Variants in STAG1 observed in about 807,000 individuals in gnomAD.
The protein encoded by STAG1 is cohesin subunit SA-1.
Under a neutral mutation model 170.9 loss-of-function variants are expected in STAG1, and 26 were observed. The ratio of observed to expected loss-of-function variants is 0.15; its 90% CI spans 0.11 to 0.21. STAG1 has a LOEUF of 0.21. Ranked by LOEUF, STAG1 falls within the 10% of genes least tolerant of loss-of-function variation. The pLI, the probability that STAG1 is intolerant of heterozygous loss-of-function variation, is 1.00. For missense variants in STAG1, 964 were observed against 1,509.5 expected (o/e 0.64, Z 5.99); for synonymous variants, 514 against 497.7 (o/e 1.03, Z -0.44).
At chr3:136,503,488 C>A (rs1215943569) in intron 7 of STAG1, among the ~76,000 whole-genome samples, 1 of 152,162 alleles carries the variant, frequency 6.6e-6, no homozygotes, top group Admixed American at 6.5e-5. Context: ...CCTCAAACTT[C>A]TGTCTGTTCA....
intron 6 of STAG1, among the ~76,000 whole-genome samples, chr3:136,532,995 C>A (rs1323937149): frequency 2.0e-5 from 3 of 152,126 alleles, no homozygotes; most frequent in Non-Finnish European, 4.4e-5. Context: ...CAGCAGATGA[C>A]ATGATCTTTT....
chr3:136,570,250 G>A (rs979143220), intron 4 of STAG1, among the ~76,000 whole-genome samples: 2 of 152,094 alleles, frequency 1.3e-5, no homozygotes, highest in Non-Finnish European at 1.5e-5. Flanking sequence ...TTATACTGAT[G>A]CATATTACCA....
chr3:136,341,589 A>G, intron 30 of STAG1, 38 bp from the exon 31 acceptor site: 1 of 1,414,840 alleles, frequency 7.1e-7, no homozygotes, highest in Non-Finnish European at 1.0e-6. Flanking sequence ...GTAGCAGCAG[A>G]TGATGAATTT....
intron 9 of STAG1, among the ~76,000 whole-genome samples, chr3:136,487,879 A>G (rs2090048118): frequency 6.6e-6 from 1 of 152,196 alleles, no homozygotes; most frequent in Non-Finnish European, 1.5e-5. Context: ...CTCTGGGGAA[A>G]GCCACCGGCT....
At chr3:136,518,430 A>C (rs1423088141) in intron 7 of STAG1, 9 of 700,142 alleles carry the variant, frequency 1.3e-5, no homozygotes, top group Non-Finnish European at 2.1e-5. Context: ...AAAGTGAATA[A>C]AAATGATTAT....
intron 1 of STAG1, among the ~76,000 whole-genome samples, chr3:136,672,699 C>T (rs1263466432): frequency 6.6e-6 from 1 of 152,050 alleles, no homozygotes; most frequent in Admixed American, 6.6e-5. Flanking sequence ...TCCACTCCAC[C>T]CCGCAACACA....
chr3:136,476,398 C>T (rs1348060308), intron 10 of STAG1, among the ~76,000 whole-genome samples: 1 of 152,100 alleles, frequency 6.6e-6, no homozygotes, highest in East Asian at 1.9e-4. Context: ...ACAATAATTG[C>T]AATAGGCAGT....
intron 28 of STAG1, among the ~76,000 whole-genome samples, chr3:136,355,669 C>T (rs1319373992): frequency 2.0e-5 from 3 of 151,978 alleles, no homozygotes; most frequent in Admixed American, 6.6e-5. Flanking sequence ...TCTCTAAGAC[C>T]GTATGTTGGT....
At chr3:136,632,574 TG>T (rs1158373524) in intron 1 of STAG1, among the ~76,000 whole-genome samples, 1 of 152,004 alleles carries the variant, frequency 6.6e-6, no homozygotes, top group African/African-American at 2.4e-5. Flanking sequence ...ATAAGCTCTC[TG>T]GGGTAAGAGA....
chr3:136,406,824 G>A (rs1441271319), intron 21 of STAG1, among the ~76,000 whole-genome samples: 1 of 149,068 alleles, frequency 6.7e-6, no homozygotes, highest in East Asian at 1.9e-4. Context: ...GCAGTAAAAG[G>A]TTAACTTCCG....
intron 3 of STAG1, among the ~76,000 whole-genome samples, chr3:136,619,426 T>G (rs1052859667): frequency 2.6e-5 from 4 of 151,486 alleles, no homozygotes; most frequent in African/African-American, 7.3e-5. Flanking sequence ...GGAAAACAGT[T>G]AAGTCATATT....
intron 26 of STAG1, among the ~76,000 whole-genome samples, chr3:136,362,168 A>G (rs1216144141): frequency 1.3e-5 from 2 of 151,306 alleles, no homozygotes; most frequent in African/African-American, 4.9e-5. Flanking sequence ...CATGTTGACC[A>G]GGCTGGTCTC....
chr3:136,690,971 A>C (rs1019527888), intron 1 of STAG1, among the ~76,000 whole-genome samples: 13 of 151,230 alleles, frequency 8.6e-5, no homozygotes, highest in African/African-American at 3.2e-4. Flanking sequence ...GATTTTTCTG[A>C]GTCAGACATG....
At chr3:136,437,641 A>ATTT (rs575043609) in intron 15 of STAG1, among the ~76,000 whole-genome samples, 94 of 152,340 alleles carry the variant, frequency 6.2e-4, no homozygotes, top group African/African-American at 2.1e-3. Context: ...AATGACCTAA[A>ATTT]TCATCACAAA....
rs371646315 is a variant in STAG1 at position 136,738,308 on chromosome 3, T to C, written c.-84+13887A>G. On this transcript the variant is annotated intron_variant, in intron 1 of 33. Transcript: ENST00000383202. Reference sequence around the variant, plus strand: ...GAGTTCGAGACCAGCCTGGCCAACATGGTGAAACCCCATCTCTACTAAAAA... The same window carrying C: ...GAGTTCGAGACCAGCCTGGCCAACACGGTGAAACCCCATCTCTACTAAAAA... Among the ~76,000 whole-genome samples, 111 of 152,136 alleles carry C rather than the reference T, an allele frequency of 7.3e-4. No individual in the cohort carries two copies. In the East Asian group the frequency reaches 0.018, roughly 24 times the overall value.
At chr3:136,686,383 T>C (rs926846740) in intron 1 of STAG1, among the ~76,000 whole-genome samples, 2 of 152,208 alleles carry the variant, frequency 1.3e-5, no homozygotes, top group African/African-American at 4.8e-5. Flanking sequence ...GGAGAAAATA[T>C]GACAGTCAAT....
chr3:136,611,658 C>CATTTTTT (rs1357118748), intron 3 of STAG1, among the ~76,000 whole-genome samples: 1 of 72,568 alleles, frequency 1.4e-5, no homozygotes, highest in Non-Finnish European at 2.7e-5. Flanking sequence ...CCACACCCAG[C>CATTTTTT]TTTTTTTTTT....
chr3:136,624,286 G>T (rs1026270400), intron 2 of STAG1, among the ~76,000 whole-genome samples: 1 of 151,916 alleles, frequency 6.6e-6, no homozygotes, highest in Non-Finnish European at 1.5e-5. Context: ...ATTTTTAGTA[G>T]AGATGGGGTT....
chr3:136,743,877 C>G (rs1559985427), intron 1 of STAG1, among the ~76,000 whole-genome samples: 1 of 152,148 alleles, frequency 6.6e-6, no homozygotes, highest in African/African-American at 2.4e-5. Flanking sequence ...ACACTGTGAC[C>G]AAGTTGGCTT....
Sources: gnomAD v4.1 joint callset for allele counts (sites outside exome capture counted in the v4.1 genomes callset) on GRCh38, gnomAD v4.1.1 for gene constraint, MANE v1.5 for transcripts, NCBI Gene and HGNC (gene_info 2026-07-23, HGNC 2026-07-21) for gene names.